Variants in TBCK observed in about 807,000 individuals in gnomAD.
TBCK encodes TBC1 domain containing kinase.
In TBCK, 99 loss-of-function variants were observed where a neutral mutation model predicts 113.4. The ratio of observed to expected loss-of-function variants is 0.87; its 90% CI spans 0.74 to 1.03. TBCK has a LOEUF of 1.03. TBCK is among the 50% of genes least tolerant of loss of function. The pLI, the probability that TBCK is intolerant of heterozygous loss-of-function variation, is 0.00. For synonymous variants in TBCK, 369 were observed against 370.8 expected (o/e 1.00, Z 0.05); for missense variants, 1,045 against 1,061.3 (o/e 0.98, Z 0.21).
In TBCK at chr4:106,251,868, C is replaced by T. The variant is rs1489836097; in HGVS notation, c.595G>A (p.Val199Met). 5 of 1,596,838 alleles carry T rather than the reference C, an allele frequency of 3.1e-6. No individual in the cohort carries two copies. Among genetic ancestry groups the T allele is most frequent in the Non-Finnish European group, 4.3e-6 (5 of 1,172,218 alleles). Residue 199 changes from valine (V) to methionine (M), a missense_variant and splice_region_variant, in exon 6 of 26, where the codon GTG becomes ATG. Val to Met is a conservative substitution (Grantham distance 21, BLOSUM62 1). Transcript: ENST00000394708. ...SLGIILFELC[V>M]GRKLFQSLDI... ...TATTAATATTTCTTTATACATACCA[C>T]ACAAAGCTCAAATAAAATGATTCCA...
intron 3 of TBCK, among the ~76,000 whole-genome samples, chr4:106,285,631 T>C (rs1057471809): frequency 1.3e-5 from 2 of 152,194 alleles, no homozygotes; most frequent in Admixed American, 6.5e-5. Context: ...AAGTAAGATA[T>C]ATGCTTTGAA....
chr4:106,084,720 C>G (rs1739298912), intron 25 of TBCK, among the ~76,000 whole-genome samples: 1 of 152,144 alleles, frequency 6.6e-6, no homozygotes, highest in Non-Finnish European at 1.5e-5. Flanking sequence ...AAGGGAAGCC[C>G]ATCAGACTAA....
At chr4:106,246,474 T>C (rs1760826103) in intron 10 of TBCK, among the ~76,000 whole-genome samples, 2 of 152,124 alleles carry the variant, frequency 1.3e-5, no homozygotes, top group South Asian at 2.1e-4. Context: ...TAATGATATA[T>C]AATTCTTATC....
rs1268033713 is a variant in TBCK at position 106,045,445 on chromosome 4, A to G, written c.*1125T>C. 1 of 152,196 alleles carries G rather than the reference A, an allele frequency of 6.6e-6. No homozygotes were observed. The highest frequency in any genetic ancestry group is 1.5e-5 in the Non-Finnish European group (1 of 68,044). The allele number at this position is 152,196 out of a possible 1,614,324, so 9.4% of individuals were successfully genotyped here. A position where few individuals can be genotyped will look rare whatever the true frequency, so the allele number is the denominator to read the frequency against. On this transcript the variant is annotated 3_prime_UTR_variant, in exon 26 of 26. Coordinates refer to ENST00000394708, the MANE Select transcript of TBCK (RefSeq NM_001163435.3). ...CAATGTGGCAGAGGCAGAGGTTGTT[A>G]GCTGTACCTCAATATGTACTCTCTT...
intron 3 of TBCK, among the ~76,000 whole-genome samples, chr4:106,281,809 T>C (rs1226575288): frequency 6.6e-6 from 1 of 152,100 alleles, no homozygotes; most frequent in Non-Finnish European, 1.5e-5. Flanking sequence ...TGTTTGCTAG[T>C]ATTCTGTGGG....
intron 24 of TBCK, among the ~76,000 whole-genome samples, chr4:106,108,597 AG>A (rs1742461287): frequency 6.6e-6 from 1 of 152,226 alleles, no homozygotes; most frequent in Non-Finnish European, 1.5e-5. Context: ...CAGCTATTGA[AG>A]GAATATACTT....
intron 19 of TBCK, chr4:106,213,680 C>T (rs1207451216): frequency 6.5e-6 from 1 of 154,418 alleles, no homozygotes; most frequent in Admixed American, 6.5e-5. Flanking sequence ...AAACGGCACA[C>T]CACGAGATTA....
intron 22 of TBCK, among the ~76,000 whole-genome samples, chr4:106,191,360 T>C (rs1013021892): frequency 6.6e-6 from 1 of 152,162 alleles, no homozygotes; most frequent in Non-Finnish European, 1.5e-5. Context: ...GAAAATAGTA[T>C]TATTCATACA....
At chr4:106,295,764 C>A (rs1766229719) in intron 2 of TBCK, among the ~76,000 whole-genome samples, 1 of 152,120 alleles carries the variant, frequency 6.6e-6, no homozygotes, top group South Asian at 2.1e-4. Context: ...TACTAATTTG[C>A]CTACTCTTGA....
intron 19 of TBCK, among the ~76,000 whole-genome samples, chr4:106,215,395 G>C (rs987338319): frequency 6.6e-5 from 10 of 151,906 alleles, no homozygotes; most frequent in Non-Finnish European, 1.5e-4. Flanking sequence ...TGGACTAAAG[G>C]CTCCAGTTAA....
chr4:106,143,913 T>C (rs1424984953), intron 23 of TBCK, among the ~76,000 whole-genome samples: 1 of 114,510 alleles, frequency 8.7e-6, no homozygotes, highest in Non-Finnish European at 1.8e-5. Context: ...AAACTCTGTC[T>C]AAAAAAAAAA....
chr4:106,157,367 C>T (rs941304988), intron 23 of TBCK, among the ~76,000 whole-genome samples: 3 of 152,088 alleles, frequency 2.0e-5, no homozygotes, highest in Admixed American at 6.5e-5. Flanking sequence ...CAACAGGTTA[C>T]GTGCCTCCTT....
intron 5 of TBCK, among the ~76,000 whole-genome samples, chr4:106,253,995 C>G (rs56112627): frequency 0.018 from 2,771 of 152,300 alleles, 79 homozygotes; most frequent in African/African-American, 0.061. Flanking sequence ...TCAGGGATCA[C>G]ACAGAATACA....
At chr4:106,196,200 T>C (rs1038194038) in intron 20 of TBCK, among the ~76,000 whole-genome samples, 2 of 151,918 alleles carry the variant, frequency 1.3e-5, no homozygotes. Context: ...ATATATAGTA[T>C]ATATCGTTCT....
chr4:106,209,174 A>G (rs1311894941), intron 20 of TBCK, among the ~76,000 whole-genome samples: 1 of 152,258 alleles, frequency 6.6e-6, no homozygotes, highest in Non-Finnish European at 1.5e-5. Flanking sequence ...GAACTTTTTT[A>G]CAAGAAGTTA....
intron 17 of TBCK, 115 bp downstream of exon 17, chr4:106,232,823 T>C: frequency 9.9e-7 from 1 of 1,007,676 alleles, no homozygotes; most frequent in Non-Finnish European, 1.4e-6. Flanking sequence ...AATCAGAGCG[T>C]CAATATTGAC....
chr4:106,213,977 C>G (rs917842876), intron 19 of TBCK, among the ~76,000 whole-genome samples: 5 of 152,314 alleles, frequency 3.3e-5, no homozygotes, highest in African/African-American at 1.2e-4. Flanking sequence ...TGTCTGACAG[C>G]TTTGAAGAGA....
chr4:106,236,870 T>C, intron 12 of TBCK, 62 bp from the exon 13 acceptor site: 2 of 939,814 alleles, frequency 2.1e-6, no homozygotes, highest in South Asian at 2.2e-5. Flanking sequence ...CTGATCTGTG[T>C]TTAAAAAGAC....
intron 19 of TBCK, among the ~76,000 whole-genome samples, chr4:106,218,609 A>T (rs1346359850): frequency 1.7e-4 from 14 of 83,382 alleles, no homozygotes; most frequent in African/African-American, 5.9e-4. Flanking sequence ...GCCAAAAAAC[A>T]CATGAAAAAA....
Sources: gnomAD v4.1 joint callset for allele counts (sites outside exome capture counted in the v4.1 genomes callset) on GRCh38, gnomAD v4.1.1 for gene constraint, MANE v1.5 for transcripts, NCBI Gene and HGNC (gene_info 2026-07-23, HGNC 2026-07-21) for gene names.